NBPF11: variants seen among roughly 807,000 people sequenced by gnomAD.
NBPF11 encodes NBPF family member NBPF11.
A neutral mutation model predicts 93.9 loss-of-function variants in NBPF11; 72 were observed. That is an observed-to-expected ratio of 0.77 (90% CI 0.63 to 0.93). The LOEUF (loss-of-function observed/expected upper bound fraction) is 0.93. NBPF11 is among the 40% of genes least tolerant of loss of function. The pLI is 0.00. For synonymous variants in NBPF11, 224 were observed against 304.9 expected, an observed-to-expected ratio of 0.73 and a Z score of 2.76; for missense variants, 705 against 802.2, an observed-to-expected ratio of 0.88 and a Z score of 1.46.
intron 3 of NBPF11, among the ~76,000 whole-genome samples, chr1:148,136,014 G>A (rs1344910659): frequency 1.3e-5 from 2 of 151,822 alleles, no homozygotes; most frequent in African/African-American, 4.9e-5. Context: ...GGTATCCCAT[G>A]CTCATGTCCC....
intron 17 of NBPF11, 125 bp downstream of exon 17, chr1:148,109,159 A>C: frequency 1.3e-6 from 1 of 797,196 alleles, no homozygotes; most frequent in South Asian, 1.3e-5. Flanking sequence ...AAAACAATGC[A>C]GTAGGCATAA....
At chr1:148,149,392 G>C (rs1439110470) in intron 1 of NBPF11, 1 of 1,585,350 alleles carries the variant, frequency 6.3e-7, no homozygotes. Flanking sequence ...TCCACGGCAG[G>C]GAGGACGAGG....
intron 14 of NBPF11, among the ~76,000 whole-genome samples, chr1:148,115,523 T>C (rs1666303012): frequency 1.3e-5 from 2 of 151,560 alleles, no homozygotes; most frequent in South Asian, 4.1e-4. Context: ...GAATCGAAGT[T>C]AGGAGGCCTG....
rs1188164129 is a variant in NBPF11 at position 148,131,035 on chromosome 1, C to T, written c.-35-3997G>A. Among the ~76,000 whole-genome samples, 738 of 151,362 alleles carry T rather than the reference C, an allele frequency of 4.9e-3. 7 individuals are homozygous for T. The highest frequency in any genetic ancestry group is 0.018 in the African/African-American group (719 of 40,988). ...TTATTATTGGACATTTCTATCATTC[C>T]ACGTTTGGGCTATTATGAAGAAACT... On this transcript the variant is annotated intron_variant, in intron 4 of 23. Transcript: ENST00000682118.
In NBPF11 at chr1:148,116,134, G is replaced by A. The variant is rs1181085422; in HGVS notation, c.1380-136C>T. The A allele has an allele frequency of 2.3e-3, 2,428 of 1,034,084 alleles. 9 individuals carry two copies. The highest frequency in any genetic ancestry group is 3.2e-3 in the Non-Finnish European group (2,198 of 681,078). 64.1% of individuals were successfully genotyped at this position (1,034,084 alleles called of 1,614,324 possible). The stretch of plus-strand genomic sequence containing the variant: ...GCAAAATGGACGTTCCCATTAAGAG[G>A]GAACATGCAATCCTGTTCTGTCTGC... On this transcript the variant is annotated intron_variant, in intron 13 of 23. Coordinates refer to ENST00000682118, the MANE Select transcript of NBPF11 (RefSeq NM_001385469.3).
intron 15 of NBPF11, among the ~76,000 whole-genome samples, chr1:148,111,408 G>A (rs1200216827): frequency 1.3e-5 from 2 of 152,008 alleles, no homozygotes; most frequent in South Asian, 2.1e-4. Flanking sequence ...TGACTTTGAC[G>A]AGCTGACAGA....
chr1:148,146,087 GA>G (rs1672962379), intron 1 of NBPF11, among the ~76,000 whole-genome samples: 1 of 151,956 alleles, frequency 6.6e-6, no homozygotes, highest in Admixed American at 6.5e-5. Context: ...CGGAGGGACC[GA>G]CGGACGCACG....
chr1:148,149,345 G>C, intron 1 of NBPF11: 3 of 1,597,052 alleles, frequency 1.9e-6, no homozygotes, highest in South Asian at 1.1e-5. Context: ...CCCTAACATC[G>C]AGAAGGTGTC....
intron 17 of NBPF11, 80 bp from the exon 18 acceptor site, chr1:148,108,734 A>C (rs369632304): frequency 1.3e-6 from 1 of 797,818 alleles, no homozygotes; most frequent in East Asian, 2.5e-5. Flanking sequence ...CATGGCTAAC[A>C]TGAGGAAGAG....
intron 1 of NBPF11, among the ~76,000 whole-genome samples, chr1:148,150,669 G>A (rs1332781447): frequency 2.0e-5 from 3 of 151,316 alleles, no homozygotes; most frequent in African/African-American, 7.3e-5. Context: ...TCATTCTTTC[G>A]GCAAAGAAAG....
chr1:148,147,319 T>G (rs1490687640), intron 1 of NBPF11, among the ~76,000 whole-genome samples: 2 of 152,042 alleles, frequency 1.3e-5, no homozygotes, highest in African/African-American at 2.4e-5. Flanking sequence ...GCGAGGCTGC[T>G]GCATCCAGGT....
At chr1:148,104,438 T>G in intron 23 of NBPF11, 99 bp downstream of exon 23, 1 of 616,712 alleles carries the variant, frequency 1.6e-6, no homozygotes, top group East Asian at 2.7e-5. Context: ...TAATTCAGCC[T>G]TCGTTGAAAA....
In NBPF11 at chr1:148,120,601, G is replaced by A. The variant is rs1667596498; in HGVS notation, c.888C>T (p.Cys296=). The A allele has an allele frequency of 4.0e-6, 6 of 1,499,072 alleles. No individual in the cohort carries two copies. Among genetic ancestry groups the A allele is most frequent in the African/African-American group, 1.4e-5 (1 of 72,386 alleles). The allele number at this position is 1,499,072 out of a possible 1,614,324, so 92.9% of individuals were successfully genotyped here. A position where few individuals can be genotyped will look rare whatever the true frequency, so the allele number is the denominator to read the frequency against. ...MNILEINEKL[C]PQLAEKKQQF... ...GCTGTTTCTTCTCTGCCAGCTGGGGGCACAATTTCTCATTGATTTCTAGAA... is the reference window on the plus strand; with the variant it reads ...GCTGTTTCTTCTCTGCCAGCTGGGGACACAATTTCTCATTGATTTCTAGAA... The change falls in exon 10 of 24, where the codon TGC becomes TGT. Residue 296 remains cysteine, a synonymous_variant. Transcript: ENST00000682118.
intron 23 of NBPF11, 66 bp from the exon 24 acceptor site, chr1:148,103,978 T>C (rs1662909282): frequency 6.2e-7 from 1 of 1,609,486 alleles, no homozygotes; most frequent in East Asian, 2.2e-5. Flanking sequence ...CCCCACTAGA[T>C]TTCAGAAGTA....
intron 1 of NBPF11, chr1:148,146,848 G>A: frequency 6.2e-7 from 1 of 1,613,796 alleles, no homozygotes; most frequent in Non-Finnish European, 8.5e-7. Flanking sequence ...CGGCTACGGT[G>A]CCAGCTCGGG....
intron 12 of NBPF11, among the ~76,000 whole-genome samples, 193 bp from the exon 13 acceptor site, chr1:148,116,728 G>A (rs1265473578): frequency 8.6e-5 from 13 of 151,644 alleles, no homozygotes; most frequent in Middle Eastern, 3.2e-3. Flanking sequence ...CTGATCTGGA[G>A]GGCCACCATC....
rs1571494314 is a variant in NBPF11 at position 148,143,483 on chromosome 1, T to G, written c.-345A>C. On this transcript the variant is annotated 5_prime_UTR_variant, in exon 2 of 24. Transcript: ENST00000682118. The stretch of plus-strand genomic sequence containing the variant: ...AGCTGCTCTTGGTGCACTGAATGGG[T>G]AAGTTTCTACATCGGTGCCTCGGAG... The G allele has an allele frequency of 1.2e-6, 1 of 817,546 alleles. No homozygotes were observed. Among genetic ancestry groups the G allele is most frequent in the Non-Finnish European group, 1.6e-6 (1 of 612,960 alleles). The allele number at this position is 817,546 out of a possible 1,614,324, so 50.6% of individuals were successfully genotyped here. A position where few individuals can be genotyped will look rare whatever the true frequency, so the allele number is the denominator to read the frequency against.
chr1:148,148,766 A>G (rs1452496030), intron 1 of NBPF11, among the ~76,000 whole-genome samples: 2 of 151,928 alleles, frequency 1.3e-5, no homozygotes, highest in Non-Finnish European at 2.9e-5. Context: ...ACGGCTTTCT[A>G]ACCCGGGCAG....
At chr1:148,126,438 G>GTA (rs1669131779) in intron 5 of NBPF11, among the ~76,000 whole-genome samples, 4 of 149,496 alleles carry the variant, frequency 2.7e-5, no homozygotes, top group Middle Eastern at 3.4e-3. Context: ...AGCTTTGCCT[G>GTA]TTGGGCCTCA....
Sources: allele counts gnomAD v4.1 joint callset (sites outside exome capture counted in the v4.1 genomes callset), GRCh38; gene constraint gnomAD v4.1.1; transcripts MANE v1.5; gene names NCBI Gene and HGNC (gene_info 2026-07-23, HGNC 2026-07-21).